SHLD1: variants seen among roughly 807,000 people sequenced by gnomAD.
The protein encoded by SHLD1 is shieldin complex subunit 1.
A neutral mutation model predicts 5.5 loss-of-function variants in SHLD1; 3 were observed. That is an observed-to-expected ratio of 0.54 (90% CI 0.25 to 1.40). The LOEUF is 1.40. Ranked by LOEUF, SHLD1 falls within the 40% of genes most tolerant of loss-of-function variation. The probability of loss-of-function intolerance (pLI) is 0.15; values close to 1 mark genes in which losing one functional copy is unlikely to be tolerated. For missense variants in SHLD1, 210 were observed against 244.4 expected (o/e 0.86, Z 0.94); for synonymous variants, 92 against 94.3 (o/e 0.98, Z 0.14).
chr20:5,825,957 CAG>C (rs1478233325), intron 2 of SHLD1, among the ~76,000 whole-genome samples: 3 of 152,098 alleles, frequency 2.0e-5, no homozygotes, highest in Non-Finnish European at 4.4e-5. Context: ...CTGGACCACT[CAG>C]GGTTGGGATG....
At chr20:5,762,296 C>T (rs1984512774) in intron 1 of SHLD1, among the ~76,000 whole-genome samples, 2 of 151,808 alleles carry the variant, frequency 1.3e-5, no homozygotes, top group Admixed American at 1.3e-4. Flanking sequence ...TTTAGAAATA[C>T]CTTCTCTCTT....
intron 1 of SHLD1, among the ~76,000 whole-genome samples, chr20:5,754,545 G>A (rs1353365046): frequency 6.6e-6 from 1 of 152,118 alleles, no homozygotes; most frequent in Non-Finnish European, 1.5e-5. Flanking sequence ...ATTTAAAGAG[G>A]TTTATTCCGA....
chr20:5,794,338 G>C (rs2087182139), intron 2 of SHLD1, among the ~76,000 whole-genome samples: 1 of 152,142 alleles, frequency 6.6e-6, no homozygotes, highest in African/African-American at 2.4e-5. Flanking sequence ...TACTGGGGTT[G>C]GTTTCTGGAT....
chr20:5,789,304 C>T (rs2087105835), intron 2 of SHLD1, among the ~76,000 whole-genome samples: 1 of 150,512 alleles, frequency 6.6e-6, no homozygotes, highest in South Asian at 2.1e-4. Flanking sequence ...TGGCCAGGTG[C>T]AGTGGCTCAC....
chr20:5,788,778 C>A (rs1600123040), intron 2 of SHLD1, among the ~76,000 whole-genome samples: 2 of 152,168 alleles, frequency 1.3e-5, no homozygotes. Flanking sequence ...AATTTGAAAT[C>A]TTTTTTCATT....
intron 2 of SHLD1, among the ~76,000 whole-genome samples, chr20:5,838,039 G>A (rs6107709): frequency 0.049 from 7,453 of 152,236 alleles, 596 homozygotes; most frequent in African/African-American, 0.17. Flanking sequence ...TAAATGAAAC[G>A]TAGTACATTT....
At chr20:5,805,356 C>T (rs959805710) in intron 2 of SHLD1, among the ~76,000 whole-genome samples, 4 of 152,066 alleles carry the variant, frequency 2.6e-5, no homozygotes, top group African/African-American at 7.2e-5. Context: ...AGAGTTTCTC[C>T]GTGTTGGTCA....
intron 1 of SHLD1, among the ~76,000 whole-genome samples, chr20:5,752,485 G>A (rs1340677868): frequency 1.3e-5 from 2 of 152,054 alleles, no homozygotes; most frequent in Non-Finnish European, 2.9e-5. Context: ...CTGGATCTGG[G>A]AAAGGCCTAG....
At chr20:5,843,472 G>A (rs918423232) in intron 2 of SHLD1, among the ~76,000 whole-genome samples, 5 of 151,772 alleles carry the variant, frequency 3.3e-5, no homozygotes, top group African/African-American at 7.3e-5. Flanking sequence ...CTCTGGTGGC[G>A]TAACTTCAGG....
intron 2 of SHLD1, among the ~76,000 whole-genome samples, chr20:5,814,154 C>T (rs1191033330): frequency 2.0e-5 from 3 of 151,664 alleles, no homozygotes; most frequent in Non-Finnish European, 1.5e-5. Flanking sequence ...TGGGGTTTCT[C>T]CATGTTGCCA....
chr20:5,821,334 G>T (rs940313296), intron 2 of SHLD1, among the ~76,000 whole-genome samples: 1 of 151,984 alleles, frequency 6.6e-6, no homozygotes, highest in Non-Finnish European at 1.5e-5. Flanking sequence ...CCAACATGGT[G>T]AAACCCCGTT....
chr20:5,862,249 A>G (rs1302644490), intron 2 of SHLD1, among the ~76,000 whole-genome samples: 1 of 152,258 alleles, frequency 6.6e-6, no homozygotes, highest in Non-Finnish European at 1.5e-5. Context: ...ATACTATAAT[A>G]TGATATGAAA....
At chr20:5,822,015 G>T (rs1215689048) in intron 2 of SHLD1, among the ~76,000 whole-genome samples, 2 of 152,194 alleles carry the variant, frequency 1.3e-5, no homozygotes, top group African/African-American at 4.8e-5. Flanking sequence ...TGAGTGCTAG[G>T]AGGTGAGGAG....
chr20:5,777,459 G>A (rs949987984), intron 2 of SHLD1, among the ~76,000 whole-genome samples: 9 of 151,144 alleles, frequency 6.0e-5, no homozygotes, highest in African/African-American at 1.9e-4. Flanking sequence ...TTTCTTTTTC[G>A]AGGTATGATC....
At chr20:5,861,596 A>G (rs1454636644) in intron 2 of SHLD1, among the ~76,000 whole-genome samples, 1 of 152,198 alleles carries the variant, frequency 6.6e-6, no homozygotes, top group Non-Finnish European at 1.5e-5. Context: ...TATTTCTCTG[A>G]TCTTTACATT....
intron 1 of SHLD1, chr20:5,772,217 T>C (rs1985207438): frequency 2.2e-6 from 1 of 452,430 alleles, no homozygotes; most frequent in Non-Finnish European, 4.4e-6. Flanking sequence ...TTGTGGCCTA[T>C]CTTTGGCATA....
At chr20:5,781,608 G>A (rs956590267) in intron 2 of SHLD1, among the ~76,000 whole-genome samples, 2 of 151,938 alleles carry the variant, frequency 1.3e-5, no homozygotes, top group African/African-American at 2.4e-5. Flanking sequence ...CTCCTGAGTA[G>A]CTGGGATTAC....
intron 2 of SHLD1, among the ~76,000 whole-genome samples, chr20:5,849,008 A>G (rs2087966034): frequency 6.6e-6 from 1 of 152,216 alleles, no homozygotes; most frequent in African/African-American, 2.4e-5. Flanking sequence ...GTTAATTTGT[A>G]TTAAATATCT....
intron 2 of SHLD1, among the ~76,000 whole-genome samples, chr20:5,823,275 C>T (rs534088664): frequency 2.2e-4 from 34 of 152,110 alleles, no homozygotes; most frequent in African/African-American, 7.2e-4. Flanking sequence ...CCTCAGGCCT[C>T]TTCCCTCCAC....
Sources: allele counts gnomAD v4.1 joint callset (sites outside exome capture counted in the v4.1 genomes callset), GRCh38; gene constraint gnomAD v4.1.1; transcripts MANE v1.5; gene names NCBI Gene and HGNC (gene_info 2026-07-23, HGNC 2026-07-21).